PMP2: variants seen among roughly 807,000 people sequenced by gnomAD.
The protein encoded by PMP2 is myelin P2 protein.
Under a neutral mutation model 15.9 loss-of-function variants are expected in PMP2, and 11 were observed. That is an observed-to-expected ratio of 0.69 (90% confidence interval 0.44 to 1.14). The LOEUF (loss-of-function observed/expected upper bound fraction) is 1.14, where lower values mean the gene tolerates loss of function less well. PMP2 is among the 50% of genes most tolerant of loss of function. PMP2 has a pLI of 0.00. For missense variants in PMP2, 151 were observed against 154.0 expected, an observed-to-expected ratio of 0.98 and a Z score of 0.10; for synonymous variants, 55 against 54.1, an observed-to-expected ratio of 1.02 and a Z score of -0.07.
chr8:81,443,856 G>A (rs906686466), intron 3 of PMP2, among the ~76,000 whole-genome samples: 1 of 152,032 alleles, frequency 6.6e-6, no homozygotes, highest in South Asian at 2.1e-4. Context: ...TAAATCTGTT[G>A]TGCAGCAAGG....
At chr8:81,444,164 C>T (rs1042287061) in intron 3 of PMP2, among the ~76,000 whole-genome samples, 6 of 152,180 alleles carry the variant, frequency 3.9e-5, no homozygotes, top group Non-Finnish European at 8.8e-5. Context: ...CAAAATACAC[C>T]TTGCAGAGAG....
rs867630182 is a variant in PMP2, at chr8:81,440,425, G to A, written c.*2973C>T. 24 of 152,082 alleles carry A rather than the reference G, an allele frequency of 1.6e-4. No homozygotes were observed. Among genetic ancestry groups the A allele is most frequent in the African/African-American group, 4.8e-4 (20 of 41,416 alleles). 9.4% of individuals were successfully genotyped at this position (152,082 alleles called of 1,614,324 possible). A position where few individuals can be genotyped will look rare whatever the true frequency, so the allele number is the denominator to read the frequency against. ...AAATAACAACGCAGTTTTTAAACTC[G>A]TATTTTGTGAGTTGGAGCCTGGCAA... On this transcript the variant is annotated 3_prime_UTR_variant, in exon 4 of 4. Coordinates refer to ENST00000256103, the MANE Select transcript of PMP2 (RefSeq NM_002677.5).
Position 81,444,868 on chromosome 8 carries a change from GA to G in PMP2, c.194del (p.Phe65SerfsTer3). 6.2e-7 allele frequency: 1 copy of G among 1,613,732 alleles called. No homozygotes were observed. The highest frequency in any genetic ancestry group is 1.1e-5 in the South Asian group (1 of 91,064). On this transcript the variant is annotated frameshift_variant, in exon 2 of 4. Transcript: ENST00000256103. LOFTEE classifies it high-confidence loss of function. Reference sequence around the variant, plus strand: ...TTTCTTCAAATTCCTGGCCTAGCTTGAAGGAGATTTCTGTATTTTTAAAGGT... The same window carrying G: ...TTTCTTCAAATTCCTGGCCTAGCTTGAGGAGATTTCTGTATTTTTAAAGGT... ...ESTFKNTEIS[F>X]KLGQEFEETT...
chr8:81,444,181 G>C (rs1807403438), intron 3 of PMP2, among the ~76,000 whole-genome samples: 1 of 152,072 alleles, frequency 6.6e-6, no homozygotes, highest in South Asian at 2.1e-4. Flanking sequence ...AGAGTGTTTT[G>C]CTTTTAAAAT....
chr8:81,443,713 G>A (rs1409960165), intron 3 of PMP2, among the ~76,000 whole-genome samples: 1 of 152,128 alleles, frequency 6.6e-6, no homozygotes, highest in East Asian at 1.9e-4. Flanking sequence ...TAATAAGACA[G>A]TGGTTTTCAA....
intron 3 of PMP2, 39 bp downstream of exon 3, chr8:81,444,461 T>A (rs760317695): frequency 8.4e-6 from 10 of 1,183,864 alleles, no homozygotes; most frequent in South Asian, 1.3e-5. Flanking sequence ...ATTATTTATA[T>A]AGCATTATTT....
chr8:81,445,376 A>C (rs1319431950), intron 1 of PMP2, among the ~76,000 whole-genome samples: 1 of 152,036 alleles, frequency 6.6e-6, no homozygotes, highest in Non-Finnish European at 1.5e-5. Flanking sequence ...AGGGGCCGCC[A>C]CCACGCCTGG....
In PMP2 at chr8:81,441,596, C is replaced by T. The variant is rs1465469308; in HGVS notation, c.*1802G>A. 1 of 151,900 alleles carries T rather than the reference C, an allele frequency of 6.6e-6. No homozygotes were observed. The highest frequency in any genetic ancestry group is 2.4e-5 in the African/African-American group (1 of 41,364). 9.4% of individuals were successfully genotyped at this position (151,900 alleles called of 1,614,324 possible). ...TATCTATCATCTGTCAGTCATCTAC[C>T]TATCTATCGATTATCTATCATTATA... On this transcript the variant is annotated 3_prime_UTR_variant, in exon 4 of 4. Coordinates refer to ENST00000256103, the MANE Select transcript of PMP2 (RefSeq NM_002677.5).
At chr8:81,444,136 G>A (rs1807402687) in intron 3 of PMP2, among the ~76,000 whole-genome samples, 1 of 152,132 alleles carries the variant, frequency 6.6e-6, no homozygotes. Context: ...GTCTACAAAT[G>A]ACTTTGCAAA....
chr8:81,440,440 G>A lies in PMP2; in HGVS notation c.*2958C>T, dbSNP rs889475591. 1.3e-5 allele frequency: 2 copies of A among 152,100 alleles called. No homozygotes were observed. The highest frequency in any genetic ancestry group is 2.9e-5 in the Non-Finnish European group (2 of 68,032). 9.4% of individuals were successfully genotyped at this position (152,100 alleles called of 1,614,324 possible). A position where few individuals can be genotyped will look rare whatever the true frequency, so the allele number is the denominator to read the frequency against. On this transcript the variant is annotated 3_prime_UTR_variant, in exon 4 of 4. Transcript: ENST00000256103. ...TTTTAAACTCGTATTTTGTGAGTTG[G>A]AGCCTGGCAACAAAACAACAATAAC...
chr8:81,443,876 C>T (rs1345246319), intron 3 of PMP2, among the ~76,000 whole-genome samples: 1 of 151,928 alleles, frequency 6.6e-6, no homozygotes, highest in African/African-American at 2.4e-5. Flanking sequence ...GGCTAAGAAC[C>T]ACTGTACTAA....
chr8:81,444,425 GAA>G, intron 3 of PMP2, 73 bp downstream of exon 3: 1 of 904,240 alleles, frequency 1.1e-6, no homozygotes. Context: ...AAAGAACAAA[GAA>G]TATTTTGAAA....
chr8:81,443,319 T>A lies in PMP2; in HGVS notation c.*79A>T. The A allele has an allele frequency of 1.1e-6, 1 of 893,070 alleles. No homozygotes were observed. The allele number at this position is 893,070 out of a possible 1,614,324, so 55.3% of individuals were successfully genotyped here. On this transcript the variant is annotated 3_prime_UTR_variant, in exon 4 of 4. Transcript: ENST00000256103. The stretch of plus-strand genomic sequence containing the variant: ...CAAAAGCAAAAACAAATATTTGCAG[T>A]GTATTCAGTTTTGTCAATGGAAGCA...
rs1807385926 is a variant in PMP2 at position 81,443,296 on chromosome 8, A to G, written c.*102T>C. ...TTTGCATATCTGATATATTAAGACA[A>G]AAGCAAAAACAAATATTTGCAGTGT... On this transcript the variant is annotated 3_prime_UTR_variant, in exon 4 of 4. Coordinates refer to ENST00000256103, the MANE Select transcript of PMP2 (RefSeq NM_002677.5). 5 of 783,490 alleles carry G rather than the reference A, an allele frequency of 6.4e-6. No individual in the cohort carries two copies. The highest frequency in any genetic ancestry group is 1.1e-5 in the Non-Finnish European group (5 of 475,388). 48.5% of individuals were successfully genotyped at this position (783,490 alleles called of 1,614,324 possible). A position where few individuals can be genotyped will look rare whatever the true frequency, so the allele number is the denominator to read the frequency against.
At chr8:81,445,162 G>A (rs1405063018) in intron 1 of PMP2, among the ~76,000 whole-genome samples, 173 bp from the exon 2 acceptor site, 1 of 152,020 alleles carries the variant, frequency 6.6e-6, no homozygotes, top group Admixed American at 6.5e-5. Flanking sequence ...ACATGCCCAG[G>A]ACTCAAACAT....
intron 2 of PMP2, 34 bp downstream of exon 2, chr8:81,444,783 T>A (rs149667876): frequency 1.2e-6 from 2 of 1,603,840 alleles, no homozygotes; most frequent in Admixed American, 3.4e-5. Context: ...AGCAGCCCAC[T>A]GGGCCAACTT....
At chr8:81,444,716 C>G in intron 2 of PMP2, 101 bp downstream of exon 2, 1 of 1,363,488 alleles carries the variant, frequency 7.3e-7, no homozygotes. Context: ...AGGTACACTC[C>G]TTTTCAACAG....
rs1379382120 is a variant in PMP2 at position 81,441,846 on chromosome 8, C to A, written c.*1552G>T. 1 of 151,706 alleles carries A rather than the reference C, an allele frequency of 6.6e-6. No individual in the cohort carries two copies. The highest frequency in any genetic ancestry group is 2.4e-5 in the African/African-American group (1 of 41,302). 9.4% of individuals were successfully genotyped at this position (151,706 alleles called of 1,614,324 possible). On this transcript the variant is annotated 3_prime_UTR_variant, in exon 4 of 4. Coordinates refer to ENST00000256103, the MANE Select transcript of PMP2 (RefSeq NM_002677.5). Reference sequence around the variant, plus strand: ...GCATAACAAGATATTTCAAGCTCATCTTGTTCCTACCTTGCCCTTGCTTTG... The same window carrying A: ...GCATAACAAGATATTTCAAGCTCATATTGTTCCTACCTTGCCCTTGCTTTG...
Position 81,441,446 on chromosome 8 carries a change from A to G in PMP2, c.*1952T>C, listed in dbSNP as rs1434668035. The stretch of plus-strand genomic sequence containing the variant: ...ATGGTTGAAAAATGATGGTTTTCCA[A>G]TTCCAGAACTCCTTCCACTCACATT... On this transcript the variant is annotated 3_prime_UTR_variant, in exon 4 of 4. Coordinates refer to ENST00000256103, the MANE Select transcript of PMP2 (RefSeq NM_002677.5). The G allele has an allele frequency of 6.6e-6, 1 of 152,042 alleles. No homozygotes were observed. The highest frequency in any genetic ancestry group is 1.5e-5 in the Non-Finnish European group (1 of 67,976). 9.4% of individuals were successfully genotyped at this position (152,042 alleles called of 1,614,324 possible). A position where few individuals can be genotyped will look rare whatever the true frequency, so the allele number is the denominator to read the frequency against.
Sources: gnomAD v4.1 joint callset for allele counts (sites outside exome capture counted in the v4.1 genomes callset) on GRCh38, gnomAD v4.1.1 for gene constraint, MANE v1.5 for transcripts, NCBI Gene and HGNC (gene_info 2026-07-23, HGNC 2026-07-21) for gene names.